Variants in PALM2AKAP2 observed in about 807,000 individuals in gnomAD.
The protein encoded by PALM2AKAP2 is PALM2 and AKAP2 fusion, also known as PALM2-AKAP2 fusion protein.
In PALM2AKAP2, 37 loss-of-function variants were observed where a neutral mutation model predicts 71.5. The ratio of observed to expected loss-of-function variants is 0.52; its 90% CI spans 0.40 to 0.68. The LOEUF is 0.68. Among genes scored for constraint, PALM2AKAP2 ranks in the 30% least tolerant of loss-of-function variants. PALM2AKAP2 has a pLI of 0.00. For missense variants in PALM2AKAP2, 1,224 were observed against 1,191.8 expected (o/e 1.03, Z -0.40); for synonymous variants, 468 against 478.8 (o/e 0.98, Z 0.29).
At chr9:109,785,959 G>A (rs886655475) in intron 1 of PALM2AKAP2, among the ~76,000 whole-genome samples, 3 of 152,222 alleles carry the variant, frequency 2.0e-5, no homozygotes, top group South Asian at 2.1e-4. Flanking sequence ...TTTCACTTTC[G>A]GCCTCTTTCA....
intron 7 of PALM2AKAP2, among the ~76,000 whole-genome samples, chr9:110,032,464 G>A (rs376484225): frequency 1.4e-3 from 213 of 152,068 alleles, no homozygotes; most frequent in African/African-American, 4.3e-3. Context: ...AGGCTGAGGC[G>A]GGCAGATCAC....
At chr9:109,700,538 A>G (rs1828037671) in intron 1 of PALM2AKAP2, among the ~76,000 whole-genome samples, 1 of 152,158 alleles carries the variant, frequency 6.6e-6, no homozygotes, top group African/African-American at 2.4e-5. Context: ...ATTTTAAATG[A>G]TTTTTTGCTC....
intron 6 of PALM2AKAP2, among the ~76,000 whole-genome samples, chr9:110,013,508 G>A (rs1832920942): frequency 6.6e-6 from 1 of 152,182 alleles, no homozygotes; most frequent in African/African-American, 2.4e-5. Context: ...TAGGAGCAAA[G>A]ATTTTTCTTC....
chr9:110,025,459 C>A, intron 7 of PALM2AKAP2: 2 of 647,596 alleles, frequency 3.1e-6, no homozygotes, highest in Non-Finnish European at 5.4e-6. Flanking sequence ...TACCTTCTGG[C>A]AGTAAGTATT....
chr9:109,977,032 A>G (rs556440002), intron 6 of PALM2AKAP2, among the ~76,000 whole-genome samples: 8 of 143,944 alleles, frequency 5.6e-5, no homozygotes, highest in Non-Finnish European at 1.1e-4. Flanking sequence ...GGGCTTGTTT[A>G]AAAAAAAAAA....
intron 1 of PALM2AKAP2, among the ~76,000 whole-genome samples, chr9:109,824,918 G>C (rs1034020592): frequency 7.9e-5 from 12 of 152,198 alleles, no homozygotes; most frequent in African/African-American, 2.9e-4. Flanking sequence ...AGAAGGTTTT[G>C]ATATTCCTCT....
rs1281534436 is a variant in PALM2AKAP2, at chr9:109,787,524, G to A, written c.45+6991G>A. ...AATAATAAAAAATGGATTATTTGTA[G>A]TAAGCAGGAGTAGTAAACTCAACAG... On this transcript the variant is annotated intron_variant, in intron 1 of 9. Coordinates refer to the PALM2AKAP2 transcript ENST00000302798. 2.6e-5 allele frequency among the ~76,000 whole-genome samples: 4 copies of A among 152,342 alleles called. No homozygotes were observed. The East Asian group carries it at 7.7e-4, about 29-fold the overall frequency.
At chr9:109,973,688 T>C (rs1832115066) in intron 6 of PALM2AKAP2, among the ~76,000 whole-genome samples, 1 of 152,228 alleles carries the variant, frequency 6.6e-6, no homozygotes, top group African/African-American at 2.4e-5. Flanking sequence ...TGCCACATGC[T>C]GTCATGAATG....
In PALM2AKAP2 at chr9:110,068,534, T is replaced by A. The variant is rs571567627; in HGVS notation, c.156+19679T>A. On this transcript the variant is annotated intron_variant, in intron 1 of 3. Transcript: ENST00000374525. ...GAGCTTTTTTAAAAAAAAAAAAAAA[T>A]TTAATTTTTTTTTGAGACAGGGTCT... 2.1e-3 allele frequency among the ~76,000 whole-genome samples: 307 copies of A among 146,092 alleles called. 21 individuals are homozygous for A. The highest frequency in any genetic ancestry group is 6.8e-3 in the African/African-American group (262 of 38,266).
chr9:110,121,344 T>C (rs566501095), intron 1 of PALM2AKAP2, among the ~76,000 whole-genome samples: 1 of 152,272 alleles, frequency 6.6e-6, no homozygotes, highest in South Asian at 2.1e-4. Context: ...GGAACCTACC[T>C]GAAAGGTAAG....
intron 3 of PALM2AKAP2, among the ~76,000 whole-genome samples, chr9:110,162,667 A>G (rs912836881): frequency 1.3e-5 from 2 of 152,096 alleles, no homozygotes; most frequent in Non-Finnish European, 2.9e-5. Context: ...TTAAACGTGT[A>G]TTTTTATTTT....
At chr9:109,942,590 G>C in intron 6 of PALM2AKAP2, 3 of 1,367,586 alleles carry the variant, frequency 2.2e-6, no homozygotes, top group Non-Finnish European at 3.0e-6. Context: ...AGAATAGAAA[G>C]GGCACAAAAC....
chr9:109,861,253 C>G (rs990341093), intron 1 of PALM2AKAP2, among the ~76,000 whole-genome samples: 1 of 152,212 alleles, frequency 6.6e-6, no homozygotes, highest in African/African-American at 2.4e-5. Context: ...CTGGCATCTC[C>G]TAGTGCTCCA....
Position 109,759,351 on chromosome 9 carries a change from A to C in PALM2AKAP2, c.6-21137A>C, listed in dbSNP as rs562848277. ...ATGGTAGAATGTTTTGTAAGTGTAC[A>C]TGTAAAAATTAATCAATTCCAGAAT... is the stretch of plus-strand genomic sequence containing the variant. On this transcript the variant is annotated intron_variant, in intron 1 of 6. Transcript: ENST00000374531. Among the ~76,000 whole-genome samples, 19 of 152,244 alleles carry C rather than the reference A, an allele frequency of 1.2e-4. 1 individual carries two copies. In the South Asian group the frequency reaches 3.9e-3, roughly 32 times the overall value.
intron 1 of PALM2AKAP2, among the ~76,000 whole-genome samples, chr9:110,097,649 T>C (rs1348574815): frequency 1.4e-5 from 2 of 145,430 alleles, no homozygotes; most frequent in Non-Finnish European, 3.0e-5. Context: ...GGATGGCGGC[T>C]GGGCAGAGAT....
At chr9:110,000,372 A>G (rs760160012) in intron 6 of PALM2AKAP2, among the ~76,000 whole-genome samples, 4 of 152,106 alleles carry the variant, frequency 2.6e-5, no homozygotes, top group African/African-American at 9.7e-5. Context: ...ATAGTATTCC[A>G]TGGTGTATGT....
intron 2 of PALM2AKAP2, among the ~76,000 whole-genome samples, chr9:109,875,970 G>A (rs1475433): frequency 0.58 from 88,578 of 151,942 alleles, 26,920 homozygotes; most frequent in Admixed American, 0.67. Context: ...GATGACATTC[G>A]TTTGACAAAT....
intron 1 of PALM2AKAP2, among the ~76,000 whole-genome samples, chr9:109,735,885 G>A (rs756362921): frequency 1.3e-5 from 2 of 152,208 alleles, no homozygotes; most frequent in Non-Finnish European, 2.9e-5. Flanking sequence ...CTGTTTGTGT[G>A]CAACAGGCTT....
chr9:109,850,502 C>A (rs1077761), intron 1 of PALM2AKAP2, among the ~76,000 whole-genome samples: 4 of 151,876 alleles, frequency 2.6e-5, no homozygotes, highest in East Asian at 1.9e-4. Flanking sequence ...TAGTGTAATC[C>A]TAAGAGAAGG....
Sources: allele counts gnomAD v4.1 joint callset (sites outside exome capture counted in the v4.1 genomes callset), GRCh38; gene constraint gnomAD v4.1.1; transcripts MANE v1.5; gene names NCBI Gene and HGNC (gene_info 2026-07-23, HGNC 2026-07-21).